Variants in ZNF254 observed in about 807,000 individuals in gnomAD.
ZNF254 encodes the protein zinc finger protein 254, also known as CTD-2017D11.1.
A neutral mutation model predicts 12.4 loss-of-function variants in ZNF254; 10 were observed. That is an observed-to-expected ratio of 0.80 (90% CI 0.50 to 1.36). The LOEUF is 1.36. Ranked by LOEUF, ZNF254 falls within the 40% of genes most tolerant of loss-of-function variation. The pLI is 0.00. For synonymous variants in ZNF254, 305 were observed against 253.4 expected (o/e 1.20, Z -1.93); for missense variants, 996 against 763.9 (o/e 1.30, Z -3.58).
chr19:24,048,553 G>A (rs986363414), intron 2 of ZNF254, among the ~76,000 whole-genome samples: 8 of 152,168 alleles, frequency 5.3e-5, no homozygotes, highest in African/African-American at 1.9e-4. Context: ...ACCTTCCTGG[G>A]CTCATCCAGG....
chr19:24,118,130 G>A (rs541655479), intron 3 of ZNF254, among the ~76,000 whole-genome samples: 18 of 149,228 alleles, frequency 1.2e-4, no homozygotes, highest in Non-Finnish European at 2.2e-4. Context: ...TTGACTCACT[G>A]CAACCTCCGC....
chr19:24,126,761 C>A lies in ZNF254; in HGVS notation c.761C>A (p.Thr254Asn). 6.2e-7 allele frequency: 1 copy of A among 1,613,366 alleles called. No homozygotes were observed. The highest frequency in any genetic ancestry group is 1.1e-5 in the South Asian group (1 of 91,018). The change falls in exon 4 of 4, where the codon ACT (threonine) becomes AAT (asparagine). Residue 254 changes from threonine to asparagine, a missense_variant. Physicochemically the swap from Thr to Asn is moderately conservative, Grantham distance 65. Coordinates refer to ENST00000357002, the MANE Select transcript of ZNF254 (RefSeq NM_203282.4). ...NKSPKQLSTLTTHEIIHAGEK... is the reference protein window; with the variant it reads ...NKSPKQLSTLNTHEIIHAGEK... The stretch of plus-strand genomic sequence containing the variant: ...TCTCCTAAGCAACTCTCAACCCTTA[C>A]TACACATGAAATAATTCATGCTGGA...
chr19:24,086,311 T>C (rs1485051560), upstream of ZNF254, among the ~76,000 whole-genome samples: 3 of 152,192 alleles, frequency 2.0e-5, no homozygotes, highest in Non-Finnish European at 2.9e-5. Flanking sequence ...TTTGTTATTT[T>C]ATTTTATTTT....
At chr19:24,081,442 A>C (rs1031611448) in intron 2 of ZNF254, among the ~76,000 whole-genome samples, 1 of 152,232 alleles carries the variant, frequency 6.6e-6, no homozygotes, top group Admixed American at 6.5e-5. Flanking sequence ...ACATTTTGCT[A>C]GACACTCCAA....
At chr19:24,105,780 A>G in intron 1 of ZNF254, 160 bp from the exon 2 acceptor site, 1 of 1,203,130 alleles carries the variant, frequency 8.3e-7, no homozygotes, top group African/African-American at 1.6e-5. Flanking sequence ...TAGAGAATAC[A>G]TTAGAAAATG....
chr19:24,118,691 A>T (rs1974275188), intron 3 of ZNF254, among the ~76,000 whole-genome samples: 1 of 152,076 alleles, frequency 6.6e-6, no homozygotes, highest in Non-Finnish European at 1.5e-5. Context: ...ACATATGCAG[A>T]AATTTGGAAG....
chr19:24,067,958 T>C (rs2145462446), intron 2 of ZNF254, among the ~76,000 whole-genome samples: 1 of 152,292 alleles, frequency 6.6e-6, no homozygotes, highest in African/African-American at 2.4e-5. Flanking sequence ...GGGAATTGTG[T>C]TGTGTCAGTG....
At chr19:24,098,431 G>T (rs1248972711) in intron 1 of ZNF254, 1 of 152,126 alleles carries the variant, frequency 6.6e-6, no homozygotes, top group African/African-American at 2.4e-5. Flanking sequence ...TTTATCAAAG[G>T]TACTGGTGTA....
rs751286918 is a variant in ZNF254, at chr19:24,127,190, A to T, written c.1190A>T (p.Lys397Ile). 8 of 1,613,500 alleles carry T rather than the reference A, an allele frequency of 5.0e-6. No homozygotes were observed. The East Asian group carries it at 1.8e-4, about 36-fold the overall frequency. ...FKQLSTLTTH[K>I]IIHVGEKLYK... ...CAACTCTCAACTCTTACTACACATA[A>T]AATAATTCATGTTGGAGAGAAACTC... Residue 397 changes from lysine to isoleucine, a missense_variant, in exon 4 of 4, where the codon AAA becomes ATA. By Grantham distance (102) the Lys-to-Ile change is moderately radical. Coordinates refer to ENST00000357002, the MANE Select transcript of ZNF254 (RefSeq NM_203282.4).
intron 3 of ZNF254, among the ~76,000 whole-genome samples, chr19:24,114,204 G>C (rs1973889274): frequency 6.6e-6 from 1 of 152,160 alleles, no homozygotes; most frequent in Non-Finnish European, 1.5e-5. Context: ...AACCAAAAAA[G>C]AGCCCGCATC....
At chr19:24,065,091 G>T (rs1184234129) in intron 2 of ZNF254, among the ~76,000 whole-genome samples, 2 of 152,182 alleles carry the variant, frequency 1.3e-5, no homozygotes, top group Non-Finnish European at 2.9e-5. Flanking sequence ...ACACCTAGGG[G>T]TTGGAAGGCT....
chr19:24,043,560 C>G (rs952676888), intron 1 of ZNF254, among the ~76,000 whole-genome samples: 3 of 151,984 alleles, frequency 2.0e-5, no homozygotes, highest in African/African-American at 7.2e-5. Context: ...CTGTGCCCGG[C>G]CAAAGCAAAA....
At chr19:24,046,934 G>C (rs979051844) in intron 2 of ZNF254, among the ~76,000 whole-genome samples, 5 of 145,746 alleles carry the variant, frequency 3.4e-5, no homozygotes, top group Admixed American at 2.8e-4. Context: ...GTGCAATCTT[G>C]GCTCACTGCA....
chr19:24,053,683 T>C (rs1970732527), intron 2 of ZNF254, among the ~76,000 whole-genome samples: 1 of 152,170 alleles, frequency 6.6e-6, no homozygotes, highest in South Asian at 2.1e-4. Context: ...TCTTGTACAT[T>C]GTGTATTGTG....
At chr19:24,034,866 C>T (rs1052866679) in intron 1 of ZNF254, among the ~76,000 whole-genome samples, 1 of 151,864 alleles carries the variant, frequency 6.6e-6, no homozygotes, top group Non-Finnish European at 1.5e-5. Context: ...TCACTGCAGC[C>T]TCCGCCTCCC....
intron 2 of ZNF254, among the ~76,000 whole-genome samples, chr19:24,053,342 G>C (rs1970718788): frequency 6.6e-6 from 1 of 152,172 alleles, no homozygotes; most frequent in Admixed American, 6.5e-5. Context: ...CTAGAACTAA[G>C]AAATGTGTGA....
chr19:24,110,927 A>G (rs891931085), intron 3 of ZNF254, among the ~76,000 whole-genome samples: 1 of 151,356 alleles, frequency 6.6e-6, no homozygotes, highest in Non-Finnish European at 1.5e-5. Flanking sequence ...ATGCAGGGTG[A>G]ATCTATATTT....
chr19:24,126,680 A>T lies in ZNF254; in HGVS notation c.680A>T (p.Asn227Ile), dbSNP rs765035364. 4.3e-6 allele frequency: 7 copies of T among 1,613,162 alleles called. No individual in the cohort carries two copies. The South Asian group carries it at 7.7e-5, about 18-fold the overall frequency. ...KTFNWSSTLT[N>I]HRKIYTEEKP... ...TTTAATTGGTCCTCAACCCTTACTAATCATAGGAAAATTTATACTGAAGAG... is the reference window on the plus strand; with the variant it reads ...TTTAATTGGTCCTCAACCCTTACTATTCATAGGAAAATTTATACTGAAGAG... The change falls in exon 4 of 4, where the codon AAT (asparagine) becomes ATT (isoleucine). Residue 227 changes from asparagine to isoleucine, a missense_variant. Coordinates refer to ENST00000357002, the MANE Select transcript of ZNF254 (RefSeq NM_203282.4).
At chr19:24,076,347 C>T (rs911057847) in intron 2 of ZNF254, among the ~76,000 whole-genome samples, 1 of 152,212 alleles carries the variant, frequency 6.6e-6, no homozygotes, top group Non-Finnish European at 1.5e-5. Context: ...GCTGCGGCTT[C>T]AGCCAGTCCC....
Sources: allele counts gnomAD v4.1 joint callset (sites outside exome capture counted in the v4.1 genomes callset), GRCh38; gene constraint gnomAD v4.1.1; transcripts MANE v1.5; gene names NCBI Gene and HGNC (gene_info 2026-07-23, HGNC 2026-07-21).